VSIG10: variants seen among roughly 807,000 people sequenced by gnomAD.
VSIG10 encodes the protein V-set and immunoglobulin domain-containing protein 10.
Under a neutral mutation model 58.7 loss-of-function variants are expected in VSIG10, and 48 were observed. The ratio of observed to expected loss-of-function variants is 0.82; its 90% CI spans 0.65 to 1.04. The LOEUF (loss-of-function observed/expected upper bound fraction) is 1.04, where lower values mean the gene tolerates loss of function less well. Ranked by LOEUF, VSIG10 falls within the 50% of genes least tolerant of loss-of-function variation. The pLI is 0.00. For missense variants in VSIG10, 628 were observed against 670.0 expected (o/e 0.94, Z 0.69); for synonymous variants, 260 against 267.1 (o/e 0.97, Z 0.26).
At chr12:118,097,872 G>A (rs545299710) in intron 1 of VSIG10, among the ~76,000 whole-genome samples, 32 of 152,028 alleles carry the variant, frequency 2.1e-4, no homozygotes, top group Admixed American at 1.8e-3. Flanking sequence ...GCAGTGAGCC[G>A]ATATTGTACC....
intron 1 of VSIG10, among the ~76,000 whole-genome samples, chr12:118,099,653 C>A (rs1164733025): frequency 6.6e-6 from 1 of 152,200 alleles, no homozygotes; most frequent in Non-Finnish European, 1.5e-5. Context: ...GTGGTGATGG[C>A]TGTATAACCC....
chr12:118,079,887 G>C (rs2032882938), intron 3 of VSIG10, among the ~76,000 whole-genome samples: 1 of 152,202 alleles, frequency 6.6e-6, no homozygotes, highest in Non-Finnish European at 1.5e-5. Flanking sequence ...AGGCTGGAGG[G>C]CAGTGGTGCA....
chr12:118,090,797 G>A (rs992042923), intron 2 of VSIG10, among the ~76,000 whole-genome samples: 2 of 152,068 alleles, frequency 1.3e-5, no homozygotes, highest in Admixed American at 6.6e-5. Context: ...GGATTACAGG[G>A]ATGAGCCACT....
At chr12:118,072,947 A>G (rs1415605754) in intron 5 of VSIG10, among the ~76,000 whole-genome samples, 1 of 152,194 alleles carries the variant, frequency 6.6e-6, no homozygotes, top group East Asian at 1.9e-4. Context: ...ACTCAAATTT[A>G]AGCAGGCATC....
At chr12:118,079,233 C>G in intron 4 of VSIG10, 113 bp downstream of exon 4, 21 of 1,412,498 alleles carry the variant, frequency 1.5e-5, no homozygotes, top group Non-Finnish European at 1.5e-5. Flanking sequence ...GGAAGGAATT[C>G]AGTCCACCCT....
At chr12:118,068,023 C>CTTTTTT (rs371999216) in intron 8 of VSIG10, among the ~76,000 whole-genome samples, 27 of 85,500 alleles carry the variant, frequency 3.2e-4, no homozygotes, top group African/African-American at 7.0e-4. Flanking sequence ...GGTTTGTGGG[C>CTTTTTT]TTTTTTTTTT....
At chr12:118,067,330 A>C (rs1402934299) in intron 8 of VSIG10, among the ~76,000 whole-genome samples, 1 of 151,958 alleles carries the variant, frequency 6.6e-6, no homozygotes, top group Non-Finnish European at 1.5e-5. Flanking sequence ...ATAATTTTTA[A>C]ATGTGTTGTC....
intron 5 of VSIG10, 82 bp downstream of exon 5, chr12:118,073,617 G>A: frequency 6.8e-7 from 1 of 1,463,806 alleles, no homozygotes. Flanking sequence ...TGTGTAGGGA[G>A]GCACCAGGCT....
Position 118,071,484 on chromosome 12 carries a change from C to G in VSIG10, c.1220-15G>C, listed in dbSNP as rs959047599. ...ATTTAAAGGTTCTGTAAAGACAAAT[C>G]ACACCATTGATTCTTCCATCAGATA... On this transcript the variant is annotated splice_polypyrimidine_tract_variant and intron_variant, in intron 5 of 8. Coordinates refer to ENST00000359236, the MANE Select transcript of VSIG10 (RefSeq NM_019086.6). 3.1e-6 allele frequency: 5 copies of G among 1,605,962 alleles called. No homozygotes were observed. Among genetic ancestry groups the G allele is most frequent in the Non-Finnish European group, 4.3e-6 (5 of 1,172,746 alleles).
At chr12:118,067,866 AGT>A (rs772529535) in intron 8 of VSIG10, among the ~76,000 whole-genome samples, 2 of 151,974 alleles carry the variant, frequency 1.3e-5, no homozygotes, top group Non-Finnish European at 2.9e-5. Context: ...GACCTTGATA[AGT>A]GTTTGTCAAT....
chr12:118,080,578 A>G (rs2032913052), intron 3 of VSIG10, among the ~76,000 whole-genome samples: 1 of 152,188 alleles, frequency 6.6e-6, no homozygotes, highest in Admixed American at 6.6e-5. Flanking sequence ...ACAGTGCTAG[A>G]GGGCCCGGTG....
chr12:118,098,561 G>A (rs1054213196), intron 1 of VSIG10, among the ~76,000 whole-genome samples: 1 of 152,152 alleles, frequency 6.6e-6, no homozygotes, highest in Non-Finnish European at 1.5e-5. Context: ...GTCTAGTGAA[G>A]AAAAGAGACA....
At chr12:118,087,855 A>AAAAAAAAAAAGAGAG (rs766337791) in intron 2 of VSIG10, among the ~76,000 whole-genome samples, 3 of 131,242 alleles carry the variant, frequency 2.3e-5, no homozygotes, top group South Asian at 2.6e-4. Context: ...AAAAAAAAAA[A>AAAAAAAAAAAGAGAG]AGAGAGAGAA....
At position 118,089,043 on chromosome 12, in the gene VSIG10, G is replaced by A. The variant is rs1175301148; in HGVS notation, c.361+6490C>T. On this transcript the variant is annotated intron_variant, in intron 2 of 8. Coordinates refer to ENST00000359236, the MANE Select transcript of VSIG10 (RefSeq NM_019086.6). ...GCTCACTGCAACCTCCGCCCTCCCC[G>A]GTTGAAGCTTTTCTTGTGTGTCAGC... Among the ~76,000 whole-genome samples the A allele has an allele frequency of 4.0e-5, 6 of 151,592 alleles. No homozygotes were observed. The East Asian group carries it at 7.7e-4, about 20-fold the overall frequency.
At chr12:118,102,322 AG>A (rs1305738020) in intron 1 of VSIG10, 2 of 152,356 alleles carry the variant, frequency 1.3e-5, no homozygotes, top group Non-Finnish European at 2.9e-5. Context: ...ATGACCAACT[AG>A]GAACTGTCCT....
intron 2 of VSIG10, among the ~76,000 whole-genome samples, chr12:118,086,639 A>C (rs2033136748): frequency 1.3e-5 from 2 of 152,142 alleles, no homozygotes; most frequent in Non-Finnish European, 2.9e-5. Flanking sequence ...TCCTGCCTGT[A>C]ATCTCAGCAT....
At chr12:118,078,908 C>T (rs1408120250) in intron 4 of VSIG10, among the ~76,000 whole-genome samples, 1 of 133,738 alleles carries the variant, frequency 7.5e-6, no homozygotes, top group Non-Finnish European at 1.5e-5. Flanking sequence ...CACTGCACTC[C>T]AGTCTGGGCA....
rs1242423647 is a variant in VSIG10, at chr12:118,099,958, GAACA to G, written c.79+3631_79+3634del. On this transcript the variant is annotated intron_variant, in intron 1 of 8. Transcript: ENST00000359236. ...CAGCCAAGTCAGGATGAAAACAAAC[GAACA>G]AACAAACAAAACACCAAATTTTAAA... Among the ~76,000 whole-genome samples the G allele has an allele frequency of 8.5e-5, 13 of 152,212 alleles. No homozygotes were observed. In the East Asian group the frequency reaches 1.5e-3, roughly 18 times the overall value.
At chr12:118,078,937 TAAAAAAAAAAAA>T (rs35469920) in intron 4 of VSIG10, among the ~76,000 whole-genome samples, 3 of 39,910 alleles carry the variant, frequency 7.5e-5, no homozygotes, top group South Asian at 1.0e-3. Flanking sequence ...AGACTCTGCC[TAAAAAAAAAAAA>T]AAAAAAAAAA....
Sources: allele counts gnomAD v4.1 joint callset (sites outside exome capture counted in the v4.1 genomes callset), GRCh38; gene constraint gnomAD v4.1.1; transcripts MANE v1.5; gene names NCBI Gene and HGNC (gene_info 2026-07-23, HGNC 2026-07-21).